TBL1XR1: variants seen among roughly 807,000 people sequenced by gnomAD.
TBL1XR1 encodes TBL1X/Y related 1, also known as F-box-like/WD repeat-containing protein TBL1XR1.
TBL1XR1 carries 5 observed loss-of-function variants against 66.9 expected under a neutral mutation model. The ratio of observed to expected loss-of-function variants is 0.07; its 90% CI spans 0.04 to 0.16. The LOEUF (loss-of-function observed/expected upper bound fraction) is 0.16. Ranked by LOEUF, TBL1XR1 falls within the 10% of genes least tolerant of loss-of-function variation. The pLI, the probability that TBL1XR1 is intolerant of heterozygous loss-of-function variation, is 1.00. For missense variants in TBL1XR1, 238 were observed against 623.2 expected, an observed-to-expected ratio of 0.38 and a Z score of 6.58; for synonymous variants, 210 against 206.0, an observed-to-expected ratio of 1.02 and a Z score of -0.17.
At chr3:177,103,410 T>C (rs561933274) in intron 1 of TBL1XR1, among the ~76,000 whole-genome samples, 18 of 152,368 alleles carry the variant, frequency 1.2e-4, no homozygotes, top group Non-Finnish European at 2.1e-4. Flanking sequence ...TCCAAAAATG[T>C]ATTTCAGAGC....
intron 1 of TBL1XR1, among the ~76,000 whole-genome samples, chr3:177,112,107 A>ATATATATATATATATATATATT: frequency 2.7e-5 from 1 of 37,652 alleles, no homozygotes; most frequent in Non-Finnish European, 4.5e-5. Flanking sequence ...ATATATATAT[A>ATATATATATATATATATATATT]TTTTTTTTTT....
At chr3:177,183,339 C>T (rs1391499953) in intron 1 of TBL1XR1, among the ~76,000 whole-genome samples, 1 of 152,114 alleles carries the variant, frequency 6.6e-6, no homozygotes, top group African/African-American at 2.4e-5. Flanking sequence ...GATAACCCTT[C>T]AGTTATTTCT....
At chr3:177,105,370 G>C (rs907269144) in intron 1 of TBL1XR1, among the ~76,000 whole-genome samples, 1 of 152,072 alleles carries the variant, frequency 6.6e-6, no homozygotes, top group Non-Finnish European at 1.5e-5. Flanking sequence ...AGGAGGGGTG[G>C]ACCAGTAGAA....
intron 14 of TBL1XR1, chr3:177,032,642 T>C: frequency 5.8e-6 from 1 of 172,170 alleles, no homozygotes. Context: ...TGCTCACATA[T>C]AGCTCCTTCG....
chr3:177,041,904 C>A (rs568201316), intron 10 of TBL1XR1, among the ~76,000 whole-genome samples: 13 of 152,304 alleles, frequency 8.5e-5, no homozygotes, highest in African/African-American at 3.1e-4. Context: ...GCCAGGCAGC[C>A]TATCCTCTAC....
At chr3:177,043,421 T>G (rs1359668627) in intron 10 of TBL1XR1, among the ~76,000 whole-genome samples, 2 of 152,172 alleles carry the variant, frequency 1.3e-5, no homozygotes, top group African/African-American at 2.4e-5. Context: ...TTTTTCCCTG[T>G]AAATCTTCTG....
intron 2 of TBL1XR1, 120 bp downstream of exon 2, chr3:177,098,342 AAAAC>A: frequency 2.9e-6 from 1 of 350,336 alleles, no homozygotes; most frequent in Non-Finnish European, 4.0e-6. Flanking sequence ...ATTTAAAAAA[AAAAC>A]ACTTACTTAG....
intron 10 of TBL1XR1, among the ~76,000 whole-genome samples, chr3:177,039,694 G>A (rs187477637): frequency 6.6e-6 from 1 of 152,308 alleles, no homozygotes; most frequent in African/African-American, 2.4e-5. Context: ...GGCAACAGAA[G>A]CATATCAAAG....
chr3:177,073,299 G>T (rs2108574284), intron 2 of TBL1XR1, among the ~76,000 whole-genome samples: 1 of 152,196 alleles, frequency 6.6e-6, no homozygotes, highest in East Asian at 1.9e-4. Context: ...TGGAAAACAG[G>T]CTCCTTAGCC....
At chr3:177,168,990 CTT>C (rs571421869) in intron 1 of TBL1XR1, among the ~76,000 whole-genome samples, 3 of 151,602 alleles carry the variant, frequency 2.0e-5, no homozygotes, top group Non-Finnish European at 2.9e-5. Context: ...AAGTGATTAA[CTT>C]TTTTTTTCTT....
chr3:177,105,949 G>C (rs953773933), intron 1 of TBL1XR1, among the ~76,000 whole-genome samples: 2 of 152,046 alleles, frequency 1.3e-5, no homozygotes, highest in African/African-American at 4.8e-5. Flanking sequence ...CAAAGTGAGA[G>C]GTGTTCAGAA....
At chr3:177,041,566 T>C (rs1390131319) in intron 10 of TBL1XR1, among the ~76,000 whole-genome samples, 1 of 152,182 alleles carries the variant, frequency 6.6e-6, no homozygotes, top group African/African-American at 2.4e-5. Context: ...AATCAACTAG[T>C]AAACAAAAAT....
chr3:177,049,500 A>T (rs1388772864), intron 7 of TBL1XR1, among the ~76,000 whole-genome samples: 1 of 152,230 alleles, frequency 6.6e-6, no homozygotes, highest in Admixed American at 6.5e-5. Flanking sequence ...TAAAATTCAG[A>T]CGTTGTCTAG....
At chr3:177,070,451 GGTCATAC>G in intron 2 of TBL1XR1, among the ~76,000 whole-genome samples, 1 of 152,316 alleles carries the variant, frequency 6.6e-6, no homozygotes, top group African/African-American at 2.4e-5. Flanking sequence ...TAAGAAGATA[GGTCATAC>G]TTCTGGTACA....
rs779035057 is a variant in TBL1XR1 at position 177,034,188 on chromosome 3, G to A, written c.1250+10C>T. ...GACTCATAAAAGGAAAAATGAAACA[G>A]AAGTATCACCTTGCTAACATAAGGT... is the stretch of plus-strand genomic sequence containing the variant. On this transcript the variant is annotated intron_variant, in intron 13 of 15. Coordinates refer to ENST00000457928, the MANE Select transcript of TBL1XR1 (RefSeq NM_024665.7). 2 of 1,600,422 alleles carry A rather than the reference G, an allele frequency of 1.2e-6. No individual in the cohort carries two copies. The highest frequency in any genetic ancestry group is 2.3e-5 in the South Asian group (2 of 86,904).
At chr3:177,124,000 T>C (rs949974492) in intron 1 of TBL1XR1, among the ~76,000 whole-genome samples, 1 of 152,224 alleles carries the variant, frequency 6.6e-6, no homozygotes, top group Middle Eastern at 3.4e-3. Flanking sequence ...CTTTAATGTT[T>C]AGTTCTCATC....
intron 1 of TBL1XR1, among the ~76,000 whole-genome samples, chr3:177,111,094 C>A (rs115986897): frequency 0.029 from 4,359 of 152,170 alleles, 86 homozygotes; most frequent in Non-Finnish European, 0.045. Context: ...TCACGCCAGG[C>A]ACACAACAGG....
At chr3:177,158,875 A>T (rs1460492885) in intron 1 of TBL1XR1, among the ~76,000 whole-genome samples, 3 of 152,172 alleles carry the variant, frequency 2.0e-5, no homozygotes, top group Non-Finnish European at 4.4e-5. Flanking sequence ...TTCTATAAAC[A>T]ATATAAATCA....
At chr3:177,175,870 A>T (rs935605068) in intron 1 of TBL1XR1, among the ~76,000 whole-genome samples, 4 of 151,942 alleles carry the variant, frequency 2.6e-5, no homozygotes, top group Non-Finnish European at 4.4e-5. Flanking sequence ...CATCCTGACT[A>T]ACACGGTGAA....
Sources: allele counts gnomAD v4.1 joint callset (sites outside exome capture counted in the v4.1 genomes callset), GRCh38; gene constraint gnomAD v4.1.1; transcripts MANE v1.5; gene names NCBI Gene and HGNC (gene_info 2026-07-23, HGNC 2026-07-21).